The following SPATA17 variants were observed in gnomAD, a reference collection of about 807,000 sequenced individuals.
SPATA17 encodes the protein spermatogenesis associated 17.
SPATA17 carries 53 observed loss-of-function variants against 62.2 expected under a neutral mutation model. That is an observed-to-expected ratio of 0.85 (90% CI 0.68 to 1.07). SPATA17 has a LOEUF of 1.07. SPATA17 is among the 50% of genes least tolerant of loss of function. The pLI, the probability that SPATA17 is intolerant of heterozygous loss-of-function variation, is 0.00. For missense variants in SPATA17, 466 were observed against 425.5 expected, an observed-to-expected ratio of 1.10 and a Z score of -0.84; for synonymous variants, 146 against 146.8, an observed-to-expected ratio of 0.99 and a Z score of 0.04.
chr1:217,682,432 T>C (rs1671108184), intron 4 of SPATA17, among the ~76,000 whole-genome samples: 1 of 151,930 alleles, frequency 6.6e-6, no homozygotes. Context: ...AATGTCAGCA[T>C]TGAAGTAAAA....
chr1:217,774,655 G>A, intron 7 of SPATA17, 118 bp downstream of exon 7: 2 of 808,104 alleles, frequency 2.5e-6, no homozygotes, highest in Non-Finnish European at 3.8e-6. Flanking sequence ...GTGGGATTAA[G>A]TACATTCATA....
Position 217,683,240 on chromosome 1 carries a change from C to G in SPATA17, c.292-18C>G. 6.5e-7 allele frequency: 1 copy of G among 1,541,508 alleles called. No individual in the cohort carries two copies. Among genetic ancestry groups the G allele is most frequent in the Non-Finnish European group, 8.9e-7 (1 of 1,129,012 alleles). On this transcript the variant is annotated intron_variant, in intron 4 of 10. Transcript: ENST00000366933. ...AAGTGTTTAATGGCATATTTTATCT[C>G]TTTATTTACTTTAATAGATTCAGAG...
At chr1:217,762,380 C>G (rs1673191208) in intron 6 of SPATA17, among the ~76,000 whole-genome samples, 1 of 152,192 alleles carries the variant, frequency 6.6e-6, no homozygotes, top group Admixed American at 6.5e-5. Flanking sequence ...TTTCTACCTT[C>G]TCTGACTTGG....
intron 9 of SPATA17, among the ~76,000 whole-genome samples, chr1:217,827,511 A>T (rs1675024502): frequency 6.6e-6 from 1 of 152,112 alleles, no homozygotes; most frequent in South Asian, 2.1e-4. Flanking sequence ...CCAGGATTTA[A>T]CCCAGCAATC....
At chr1:217,833,508 A>C (rs12040010) in intron 9 of SPATA17, among the ~76,000 whole-genome samples, 46,327 of 152,052 alleles carry the variant, frequency 0.3, 7,563 homozygotes, top group African/African-American at 0.41. Context: ...CTATATGGAC[A>C]CACCAGATCA....
chr1:217,826,973 A>G (rs1298401706), intron 9 of SPATA17, among the ~76,000 whole-genome samples: 4 of 152,044 alleles, frequency 2.6e-5, no homozygotes, highest in African/African-American at 9.7e-5. Context: ...TTTAGCTTTT[A>G]TTATATTTAG....
intron 2 of SPATA17, among the ~76,000 whole-genome samples, chr1:217,650,690 C>T (rs4514298): frequency 1.3e-5 from 2 of 152,310 alleles, no homozygotes; most frequent in South Asian, 2.1e-4. Flanking sequence ...TCCCAAAGTG[C>T]TGGGATTACG....
intron 9 of SPATA17, among the ~76,000 whole-genome samples, chr1:217,846,585 A>G (rs1004387036): frequency 1.3e-5 from 2 of 152,032 alleles, no homozygotes; most frequent in African/African-American, 4.8e-5. Flanking sequence ...GACTTTTCCT[A>G]CTAGTAATTC....
At chr1:217,790,882 G>A (rs1211255968) in intron 8 of SPATA17, among the ~76,000 whole-genome samples, 1 of 152,160 alleles carries the variant, frequency 6.6e-6, no homozygotes. Flanking sequence ...ACACGGGTAA[G>A]CACTGGTTCT....
At chr1:217,657,060 T>C (rs1388923532) in intron 3 of SPATA17, among the ~76,000 whole-genome samples, 1 of 152,172 alleles carries the variant, frequency 6.6e-6, no homozygotes, top group Non-Finnish European at 1.5e-5. Flanking sequence ...AAGATGTCCA[T>C]TGTCTAAGAT....
At chr1:217,756,787 G>T (rs1220915513) in intron 6 of SPATA17, among the ~76,000 whole-genome samples, 1 of 152,142 alleles carries the variant, frequency 6.6e-6, no homozygotes, top group Non-Finnish European at 1.5e-5. Context: ...GAACAATGAA[G>T]AGAGGAATAA....
intron 5 of SPATA17, among the ~76,000 whole-genome samples, chr1:217,728,660 AG>A (rs1189500163): frequency 6.6e-6 from 1 of 152,176 alleles, no homozygotes; most frequent in Non-Finnish European, 1.5e-5. Context: ...GATATGCGAA[AG>A]ATATTTGAAT....
intron 5 of SPATA17, among the ~76,000 whole-genome samples, chr1:217,683,768 T>A (rs1043395694): frequency 1.3e-5 from 2 of 152,026 alleles, no homozygotes; most frequent in Non-Finnish European, 2.9e-5. Flanking sequence ...TCAGTGATGT[T>A]TAGGCAGACA....
At chr1:217,762,377 C>G (rs537320940) in intron 6 of SPATA17, among the ~76,000 whole-genome samples, 3 of 152,286 alleles carry the variant, frequency 2.0e-5, no homozygotes, top group Non-Finnish European at 4.4e-5. Context: ...CTCTTTCTAC[C>G]TTCTCTGACT....
At chr1:217,641,649 G>A (rs1267707161) in intron 1 of SPATA17, among the ~76,000 whole-genome samples, 22 of 151,980 alleles carry the variant, frequency 1.4e-4, no homozygotes, top group Admixed American at 8.5e-4. Flanking sequence ...TTAAGTTATT[G>A]AAACAATCTC....
intron 8 of SPATA17, among the ~76,000 whole-genome samples, chr1:217,792,514 T>C (rs1423362631): frequency 6.6e-6 from 1 of 152,154 alleles, no homozygotes; most frequent in East Asian, 1.9e-4. Flanking sequence ...TTCTTTCCCA[T>C]AAATCTTTAG....
rs1203063860 is a variant in SPATA17, at chr1:217,703,174, C to CTTTT, written c.395+19824_395+19827dup. On this transcript the variant is annotated intron_variant, in intron 5 of 10. Coordinates refer to ENST00000366933, the MANE Select transcript of SPATA17 (RefSeq NM_138796.4). ...ACAGGCGTGAGCCATTGCGCTCGGC[C>CTTTT]TTTTTTTTTTTTTTGAAATGGAGTC... Among the ~76,000 whole-genome samples, 3 of 105,510 alleles carry CTTTT rather than the reference C, an allele frequency of 2.8e-5. 1 individual carries two copies. The highest frequency in any genetic ancestry group is 3.9e-5 in the African/African-American group (1 of 25,636). The allele number at this position is 105,510 out of a possible 152,430, so 69.2% of individuals were successfully genotyped here. A position where few individuals can be genotyped will look rare whatever the true frequency, so the allele number is the denominator to read the frequency against.
rs548908403 is a variant in SPATA17, at chr1:217,868,150, A to G, written c.*1131A>G. The G allele has an allele frequency of 9.9e-5, 15 of 152,210 alleles. No homozygotes were observed. The highest frequency in any genetic ancestry group is 4.4e-5 in the Non-Finnish European group (3 of 68,042). The allele number at this position is 152,210 out of a possible 1,614,324, so 9.4% of individuals were successfully genotyped here. ...TGTAAAATAAAAGATCTTTTGAAAC[A>G]ATTGGAAGTTTGAACACTGATTGGA... is the stretch of plus-strand genomic sequence containing the variant. On this transcript the variant is annotated 3_prime_UTR_variant, in exon 11 of 11. Coordinates refer to ENST00000366933, the MANE Select transcript of SPATA17 (RefSeq NM_138796.4).
At chr1:217,830,172 A>G (rs931917979) in intron 9 of SPATA17, among the ~76,000 whole-genome samples, 5 of 152,132 alleles carry the variant, frequency 3.3e-5, no homozygotes, top group African/African-American at 4.8e-5. Context: ...GATTCATCTC[A>G]TATCATTTTG....
Sources: allele counts gnomAD v4.1 joint callset (sites outside exome capture counted in the v4.1 genomes callset), GRCh38; gene constraint gnomAD v4.1.1; transcripts MANE v1.5; gene names NCBI Gene and HGNC (gene_info 2026-07-23, HGNC 2026-07-21).